The following TTLL11 variants were observed in gnomAD, a reference collection of about 807,000 sequenced individuals.
TTLL11 encodes tubulin tyrosine ligase like 11.
Under a neutral mutation model 51.7 loss-of-function variants are expected in TTLL11, and 42 were observed. The observed-to-expected ratio is 0.81, with a 90% CI of 0.64 to 1.05. The LOEUF (loss-of-function observed/expected upper bound fraction) is 1.05. TTLL11 is among the 50% of genes least tolerant of loss of function. TTLL11 has a pLI of 0.00. For synonymous variants in TTLL11, 381 were observed against 383.5 expected (o/e 0.99, Z 0.08); for missense variants, 799 against 940.4 (o/e 0.85, Z 1.97).
At chr9:121,926,672 C>T (rs1036529654) in intron 6 of TTLL11, among the ~76,000 whole-genome samples, 1 of 152,220 alleles carries the variant, frequency 6.6e-6, no homozygotes, top group Admixed American at 6.5e-5. Context: ...CGTCTCCTCT[C>T]TCCCGTGTCA....
chr9:122,049,483 C>T (rs1421069257), intron 1 of TTLL11, among the ~76,000 whole-genome samples: 1 of 152,158 alleles, frequency 6.6e-6, no homozygotes, highest in African/African-American at 2.4e-5. Context: ...TTTTTGGAGA[C>T]TGCTATAGTC....
intron 6 of TTLL11, among the ~76,000 whole-genome samples, chr9:121,948,095 G>C (rs1841734039): frequency 6.6e-6 from 1 of 152,206 alleles, no homozygotes; most frequent in Admixed American, 6.5e-5. Context: ...CCTATTCCAG[G>C]CCCTTAGCTA....
chr9:121,873,908 G>T lies in TTLL11; in HGVS notation c.1482-3160C>A, dbSNP rs150325691. ...GGCTGGAGTGTAGTGGCGTGATCTT[G>T]GCTCACTGCCACTGCAACCTCTGCC... On this transcript the variant is annotated intron_variant, in intron 6 of 8. Transcript: ENST00000321582. Among the ~76,000 whole-genome samples the T allele has an allele frequency of 5.5e-3, 727 of 133,376 alleles. 3 individuals are homozygous for T. Among genetic ancestry groups the T allele is most frequent in the African/African-American group, 0.02 (677 of 34,032 alleles). The allele number at this position is 133,376 out of a possible 152,430, so 87.5% of individuals were successfully genotyped here.
chr9:121,828,742 G>C (rs972278859), intron 8 of TTLL11, among the ~76,000 whole-genome samples: 1 of 152,054 alleles, frequency 6.6e-6, no homozygotes, highest in African/African-American at 2.4e-5. Context: ...GACCTGGGTG[G>C]TTGTTTTTGT....
intron 6 of TTLL11, among the ~76,000 whole-genome samples, chr9:121,930,768 G>A (rs540981317): frequency 4.6e-5 from 7 of 152,226 alleles, no homozygotes; most frequent in Non-Finnish European, 1.0e-4. Flanking sequence ...CTCTAAGATG[G>A]AGCTGATACA....
At chr9:121,883,737 G>T (rs1332668522) in intron 6 of TTLL11, among the ~76,000 whole-genome samples, 1 of 152,214 alleles carries the variant, frequency 6.6e-6, no homozygotes, top group Non-Finnish European at 1.5e-5. Flanking sequence ...GTTTCTCACA[G>T]AAGTACTAAA....
At chr9:121,959,400 TG>T (rs1842139693) in intron 6 of TTLL11, among the ~76,000 whole-genome samples, 1 of 152,194 alleles carries the variant, frequency 6.6e-6, no homozygotes, top group Non-Finnish European at 1.5e-5. Flanking sequence ...ATAATATCGC[TG>T]GAAGTCTCAC....
chr9:121,895,378 G>A (rs1839425895), intron 6 of TTLL11, among the ~76,000 whole-genome samples: 2 of 151,880 alleles, frequency 1.3e-5, no homozygotes, highest in African/African-American at 2.4e-5. Context: ...TGTGATGTGC[G>A]GTTGTATGAT....
chr9:122,053,931 G>A (rs548608340), intron 1 of TTLL11, among the ~76,000 whole-genome samples: 1 of 151,872 alleles, frequency 6.6e-6, no homozygotes, highest in Non-Finnish European at 1.5e-5. Flanking sequence ...TGGGTTTCCC[G>A]GGAACACAAT....
intron 4 of TTLL11, among the ~76,000 whole-genome samples, chr9:121,988,639 G>A (rs1455023124): frequency 1.3e-5 from 2 of 152,114 alleles, no homozygotes; most frequent in Non-Finnish European, 2.9e-5. Context: ...CCCTGACCAC[G>A]CCACTCCCGC....
At chr9:121,992,764 C>A (rs1007294102) in intron 3 of TTLL11, among the ~76,000 whole-genome samples, 3 of 152,210 alleles carry the variant, frequency 2.0e-5, no homozygotes, top group Admixed American at 6.5e-5. Flanking sequence ...TTGCCTGGCA[C>A]TCCGCGGGCC....
intron 8 of TTLL11, among the ~76,000 whole-genome samples, chr9:121,838,363 C>T (rs1427302192): frequency 3.3e-5 from 5 of 152,162 alleles, no homozygotes; most frequent in African/African-American, 4.8e-5. Context: ...ACAGCCTCCT[C>T]GCTGGTCTCC....
At chr9:121,876,518 T>C (rs368908837) in intron 6 of TTLL11, among the ~76,000 whole-genome samples, 35 of 152,144 alleles carry the variant, frequency 2.3e-4, no homozygotes, top group Middle Eastern at 3.2e-3. Flanking sequence ...AGTGTGATGA[T>C]GAGTGAGCCA....
intron 3 of TTLL11, among the ~76,000 whole-genome samples, chr9:122,000,246 C>A (rs113509210): frequency 0.044 from 6,691 of 151,978 alleles, 192 homozygotes; most frequent in Non-Finnish European, 0.071. Flanking sequence ...CCGAGGCAGG[C>A]GGATCACGAG....
intron 1 of TTLL11, among the ~76,000 whole-genome samples, chr9:122,069,435 C>T (rs1191173865): frequency 1.3e-5 from 2 of 152,220 alleles, no homozygotes; most frequent in African/African-American, 4.8e-5. Flanking sequence ...GTAATCCTAA[C>T]ACTTTGGGAG....
At chr9:121,893,094 C>T (rs1299580845) in intron 6 of TTLL11, among the ~76,000 whole-genome samples, 3 of 152,112 alleles carry the variant, frequency 2.0e-5, no homozygotes, top group African/African-American at 7.2e-5. Flanking sequence ...TACCGAGTGC[C>T]AACTTATGCC....
intron 6 of TTLL11, among the ~76,000 whole-genome samples, chr9:121,927,482 C>T (rs1162398789): frequency 1.3e-5 from 2 of 152,218 alleles, no homozygotes; most frequent in Non-Finnish European, 2.9e-5. Flanking sequence ...ATCAGTCAAT[C>T]CTGCTACATG....
chr9:122,041,709 A>G (rs1329428357), intron 1 of TTLL11, among the ~76,000 whole-genome samples: 1 of 152,150 alleles, frequency 6.6e-6, no homozygotes, highest in African/African-American at 2.4e-5. Context: ...GGAATTAACC[A>G]AAAAGGTGAA....
chr9:121,909,656 C>G (rs1840046916), intron 6 of TTLL11, among the ~76,000 whole-genome samples: 1 of 152,114 alleles, frequency 6.6e-6, no homozygotes, highest in South Asian at 2.1e-4. Flanking sequence ...AGACACAAAG[C>G]AGAACAAGCA....
Sources: gnomAD v4.1 joint callset for allele counts (sites outside exome capture counted in the v4.1 genomes callset) on GRCh38, gnomAD v4.1.1 for gene constraint, MANE v1.5 for transcripts, NCBI Gene and HGNC (gene_info 2026-07-23, HGNC 2026-07-21) for gene names.